The following EVL variants were observed in gnomAD, a reference collection of about 807,000 sequenced individuals.
EVL encodes the protein ena/VASP-like protein.
EVL carries 21 observed loss-of-function variants against 59.6 expected under a neutral mutation model. The observed-to-expected ratio is 0.35, with a 90% CI of 0.25 to 0.51. The LOEUF is 0.51. Ranked by LOEUF, EVL falls within the 20% of genes least tolerant of loss-of-function variation. The pLI, the probability that EVL is intolerant of heterozygous loss-of-function variation, is 0.97. For synonymous variants in EVL, 198 were observed against 203.5 expected (o/e 0.97, Z 0.23); for missense variants, 462 against 546.6 (o/e 0.85, Z 1.54).
At chr14:100,086,039 G>A (rs2062435213) in intron 2 of EVL, among the ~76,000 whole-genome samples, 1 of 152,202 alleles carries the variant, frequency 6.6e-6, no homozygotes, top group Non-Finnish European at 1.5e-5. Context: ...TGAGGCAGGA[G>A]AATGGCGTGA....
At chr14:100,093,671 A>C (rs1048742700) in intron 2 of EVL, among the ~76,000 whole-genome samples, 3 of 152,112 alleles carry the variant, frequency 2.0e-5, no homozygotes, top group Non-Finnish European at 2.9e-5. Flanking sequence ...GCTTCACTGC[A>C]CTCTCTCAGT....
intron 1 of EVL, among the ~76,000 whole-genome samples, chr14:100,077,520 G>A (rs997451284): frequency 2.0e-5 from 3 of 152,192 alleles, no homozygotes; most frequent in Non-Finnish European, 4.4e-5. Context: ...GAGAGCCATC[G>A]ACATGGGATT....
intron 2 of EVL, among the ~76,000 whole-genome samples, chr14:100,092,560 C>A (rs1327363265): frequency 1.3e-5 from 2 of 152,086 alleles, no homozygotes; most frequent in East Asian, 3.9e-4. Flanking sequence ...CATGGTGAAA[C>A]CCCATCAATA....
chr14:100,125,705 G>A (rs1290742529), intron 4 of EVL, among the ~76,000 whole-genome samples: 2 of 151,840 alleles, frequency 1.3e-5, no homozygotes, highest in African/African-American at 2.4e-5. Flanking sequence ...ACAGGCGCGC[G>A]CCACCACACC....
intron 1 of EVL, among the ~76,000 whole-genome samples, chr14:100,054,267 A>G (rs2061693044): frequency 6.6e-6 from 1 of 151,090 alleles, no homozygotes; most frequent in African/African-American, 2.4e-5. Flanking sequence ...GTTGGCCAGG[A>G]TGGTCTCGAT....
intron 5 of EVL, among the ~76,000 whole-genome samples, chr14:100,128,089 C>T (rs1167045396): frequency 3.9e-5 from 6 of 152,192 alleles, no homozygotes; most frequent in Non-Finnish European, 1.5e-5. Context: ...CTGCCACGGC[C>T]CCCAACGACC....
At chr14:99,990,685 A>G (rs953493327) in intron 1 of EVL, among the ~76,000 whole-genome samples, 1 of 152,108 alleles carries the variant, frequency 6.6e-6, no homozygotes, top group Admixed American at 6.6e-5. Flanking sequence ...ACCCTTTTTT[A>G]AAGGCTGCAA....
chr14:100,034,181 G>A (rs971874176), intron 1 of EVL, among the ~76,000 whole-genome samples: 5 of 149,724 alleles, frequency 3.3e-5, no homozygotes, highest in African/African-American at 1.2e-4. Flanking sequence ...GTTGCAATGA[G>A]CTGAAATCAC....
intron 6 of EVL, among the ~76,000 whole-genome samples, chr14:100,129,175 A>G (rs1178665631): frequency 6.6e-6 from 1 of 152,150 alleles, no homozygotes; most frequent in Admixed American, 6.5e-5. Context: ...ACCCTTGCTC[A>G]TATGTTCTAG....
intron 3 of EVL, chr14:100,106,631 G>A (rs2140336414): frequency 2.6e-6 from 1 of 392,042 alleles, no homozygotes; most frequent in Non-Finnish European, 4.5e-6. Context: ...GGTAGGTTAT[G>A]TAATCTATGA....
At chr14:100,024,879 T>C (rs544770899) in intron 1 of EVL, among the ~76,000 whole-genome samples, 2 of 152,152 alleles carry the variant, frequency 1.3e-5, no homozygotes, top group South Asian at 4.1e-4. Context: ...GCTCCGCAAC[T>C]CCTTCCTTCT....
chr14:100,135,163 G>C (rs376710325), intron 8 of EVL: 2 of 152,206 alleles, frequency 1.3e-5, no homozygotes, highest in South Asian at 2.1e-4. Context: ...CTCGACCAGA[G>C]CCTCCCGGGA....
At chr14:100,038,744 C>T (rs1197005257) in intron 1 of EVL, among the ~76,000 whole-genome samples, 1 of 143,136 alleles carries the variant, frequency 7.0e-6, no homozygotes, top group African/African-American at 2.5e-5. Flanking sequence ...TTAGGTACCA[C>T]TTAGTACCCT....
chr14:100,120,500 G>A (rs1163645044), intron 3 of EVL, among the ~76,000 whole-genome samples: 1 of 152,236 alleles, frequency 6.6e-6, no homozygotes, highest in African/African-American at 2.4e-5. Context: ...ACCGGTTGGT[G>A]AGAAGGAGCA....
chr14:100,121,366 C>T (rs957534555), intron 3 of EVL, among the ~76,000 whole-genome samples: 1 of 152,196 alleles, frequency 6.6e-6, no homozygotes, highest in Non-Finnish European at 1.5e-5. Context: ...TCAGGTCTGT[C>T]ACAGTTACCC....
intron 1 of EVL, among the ~76,000 whole-genome samples, chr14:100,081,486 A>T (rs2062303166): frequency 6.7e-6 from 1 of 148,674 alleles, no homozygotes; most frequent in Non-Finnish European, 1.5e-5. Context: ...CCACAAGTTT[A>T]ATTTGAACCT....
chr14:100,081,298 A>G (rs1047995252), intron 1 of EVL, among the ~76,000 whole-genome samples: 1 of 152,216 alleles, frequency 6.6e-6, no homozygotes, highest in Non-Finnish European at 1.5e-5. Flanking sequence ...TTAGATAGCA[A>G]TCGAGATTTT....
At chr14:100,026,245 A>C (rs965135674) in intron 1 of EVL, among the ~76,000 whole-genome samples, 1 of 95,534 alleles carries the variant, frequency 1.0e-5, no homozygotes, top group Admixed American at 8.9e-5. Flanking sequence ...AAAAAAAACA[A>C]AAAAAAAACA....
chr14:100,091,661 G>A (rs142143163), intron 2 of EVL, among the ~76,000 whole-genome samples: 7 of 152,230 alleles, frequency 4.6e-5, no homozygotes, highest in South Asian at 4.1e-4. Flanking sequence ...TAAGAAACCC[G>A]TAAACCTAGG....
Sources: allele counts gnomAD v4.1 joint callset (sites outside exome capture counted in the v4.1 genomes callset), GRCh38; gene constraint gnomAD v4.1.1; transcripts MANE v1.5; gene names NCBI Gene and HGNC (gene_info 2026-07-23, HGNC 2026-07-21).